ENAH: variants seen among roughly 807,000 people sequenced by gnomAD.
The protein encoded by ENAH is protein enabled homolog.
ENAH carries 23 observed loss-of-function variants against 78.7 expected under a neutral mutation model. The observed-to-expected ratio is 0.29, with a 90% CI of 0.21 to 0.41. The LOEUF is 0.41. ENAH is among the 10% of genes least tolerant of loss of function. The pLI, the probability that ENAH is intolerant of heterozygous loss-of-function variation, is 1.00. For missense variants in ENAH, 544 were observed against 691.0 expected (o/e 0.79, Z 2.39); for synonymous variants, 226 against 241.0 (o/e 0.94, Z 0.58).
chr1:225,555,225 A>G (rs1408710998), intron 2 of ENAH, 142 bp from the exon 3 acceptor site: 1 of 596,448 alleles, frequency 1.7e-6, no homozygotes, highest in Non-Finnish European at 2.8e-6. Context: ...TCTGGGTAAA[A>G]TCTACACAAA....
intron 4 of ENAH, 42 bp from the exon 5 acceptor site, chr1:225,519,607 T>C (rs1279694950): frequency 1.3e-6 from 2 of 1,567,428 alleles, no homozygotes; most frequent in Non-Finnish European, 1.7e-6. Flanking sequence ...CATCTATGGC[T>C]ACTCATCATG....
intron 1 of ENAH, among the ~76,000 whole-genome samples, chr1:225,582,263 C>T (rs2096822779): frequency 6.6e-6 from 1 of 152,148 alleles, no homozygotes. Flanking sequence ...CGGAAGCCAG[C>T]ATCATGATTC....
At chr1:225,631,754 T>C (rs953143683) in intron 1 of ENAH, among the ~76,000 whole-genome samples, 9 of 152,192 alleles carry the variant, frequency 5.9e-5, no homozygotes, top group Non-Finnish European at 1.3e-4. Context: ...TGCTCATTTT[T>C]GGACTACATT....
At chr1:225,652,214 C>T (rs1663153269) in intron 1 of ENAH, 3 of 525,642 alleles carry the variant, frequency 5.7e-6, no homozygotes, top group East Asian at 1.5e-4. Context: ...ACTTTATTAC[C>T]CGCAGAGATT....
intron 3 of ENAH, among the ~76,000 whole-genome samples, chr1:225,542,522 C>T (rs921498511): frequency 2.6e-5 from 4 of 152,300 alleles, no homozygotes; most frequent in East Asian, 1.9e-4. Flanking sequence ...TATCTCTCTG[C>T]GTGACAATTC....
chr1:225,603,654 C>T (rs887148865), intron 1 of ENAH, among the ~76,000 whole-genome samples: 1 of 152,142 alleles, frequency 6.6e-6, no homozygotes, highest in Non-Finnish European at 1.5e-5. Flanking sequence ...GCTCTGGCTA[C>T]CCAAGTGCTA....
intron 3 of ENAH, among the ~76,000 whole-genome samples, chr1:225,542,292 C>T (rs973911508): frequency 6.6e-6 from 1 of 152,224 alleles, no homozygotes; most frequent in African/African-American, 2.4e-5. Flanking sequence ...GACCTGAATA[C>T]CCTTTTCCAA....
At position 225,561,105 on chromosome 1, in the gene ENAH, G is replaced by A. The variant is rs747021280; in HGVS notation, c.172-6022C>T. 3.3e-5 allele frequency among the ~76,000 whole-genome samples: 5 copies of A among 151,496 alleles called. No individual in the cohort carries two copies. The East Asian group carries it at 7.8e-4, about 24-fold the overall frequency. ...AAAAATTAGCTGGGCTTGGTGGTGC[G>A]TGCCTGTAATCCCTGCTACTCGGGA... On this transcript the variant is annotated intron_variant, in intron 2 of 13. Transcript: ENST00000366843.
intron 3 of ENAH, chr1:225,531,056 C>T (rs1012365136): frequency 5.0e-6 from 2 of 399,056 alleles, no homozygotes; most frequent in South Asian, 1.3e-4. Context: ...CTAAATAGAA[C>T]ACTGGAAATG....
rs1246971909 is a variant in ENAH, at chr1:225,496,173, T to C, written c.*1602A>G. 1 of 152,622 alleles carries C rather than the reference T, an allele frequency of 6.6e-6. No homozygotes were observed. The highest frequency in any genetic ancestry group is 1.5e-5 in the Non-Finnish European group (1 of 68,044). The allele number at this position is 152,622 out of a possible 1,614,324, so 9.5% of individuals were successfully genotyped here. On this transcript the variant is annotated 3_prime_UTR_variant, in exon 14 of 14. Coordinates refer to ENST00000366843, the MANE Select transcript of ENAH (RefSeq NM_018212.6). ...GAGAGCCTGGAGAGTTTCTTAAATT[T>C]TCCAAAAAGCTATCATTCCAACATG...
chr1:225,632,521 C>T (rs1659285938), intron 1 of ENAH, among the ~76,000 whole-genome samples: 1 of 150,122 alleles, frequency 6.7e-6, no homozygotes. Flanking sequence ...AAAAGTGGTT[C>T]TCAACATTTC....
At position 225,503,893 on chromosome 1, in the gene ENAH, A is replaced by AT. The variant is rs147879037; in HGVS notation, c.1539-2824dup. On this transcript the variant is annotated intron_variant, in intron 11 of 13. Transcript: ENST00000366843. ...CATATTCCCAGTGAACTTGATGTAT[A>AT]TTTTTTTAAAAAATAGATGTGTAAA... is the stretch of plus-strand genomic sequence containing the variant. Among the ~76,000 whole-genome samples, 4 of 152,158 alleles carry AT rather than the reference A, an allele frequency of 2.6e-5. No homozygotes were observed. In the South Asian group the frequency reaches 8.3e-4, roughly 32 times the overall value.
At chr1:225,598,385 A>G (rs902765112) in intron 1 of ENAH, among the ~76,000 whole-genome samples, 2 of 151,840 alleles carry the variant, frequency 1.3e-5, no homozygotes, top group Admixed American at 1.3e-4. Flanking sequence ...GAGAGAGTGA[A>G]AAAAAAAGGA....
At chr1:225,512,089 C>T (rs563004589) in intron 9 of ENAH, among the ~76,000 whole-genome samples, 127 of 152,278 alleles carry the variant, frequency 8.3e-4, no homozygotes, top group African/African-American at 2.9e-3. Context: ...TGAGAACTTT[C>T]ACTAGCCAAT....
At chr1:225,553,940 T>C (rs1398533519) in intron 3 of ENAH, among the ~76,000 whole-genome samples, 1 of 152,216 alleles carries the variant, frequency 6.6e-6, no homozygotes, top group Non-Finnish European at 1.5e-5. Context: ...GCTCTGAAAT[T>C]AGTATTTGAC....
At chr1:225,610,970 G>A (rs537000268) in intron 1 of ENAH, among the ~76,000 whole-genome samples, 16 of 152,208 alleles carry the variant, frequency 1.1e-4, no homozygotes, top group African/African-American at 2.6e-4. Flanking sequence ...ACGTTAGGCC[G>A]AAAAAGGCAG....
intron 1 of ENAH, among the ~76,000 whole-genome samples, chr1:225,626,003 A>T (rs935693726): frequency 4.6e-5 from 7 of 152,214 alleles, no homozygotes; most frequent in Admixed American, 1.3e-4. Flanking sequence ...GGACTTTACC[A>T]GTCTTTTTCA....
At chr1:225,607,221 C>A (rs1280091197) in intron 1 of ENAH, among the ~76,000 whole-genome samples, 1 of 152,116 alleles carries the variant, frequency 6.6e-6, no homozygotes, top group Non-Finnish European at 1.5e-5. Flanking sequence ...ACAACGACAG[C>A]TGATGAGCTT....
intron 11 of ENAH, among the ~76,000 whole-genome samples, chr1:225,501,502 A>AT (rs2151044392): frequency 6.6e-6 from 1 of 152,374 alleles, no homozygotes; most frequent in South Asian, 2.1e-4. Context: ...AAGGAGAAAC[A>AT]TAAAGACTTG....
Sources: allele counts gnomAD v4.1 joint callset (sites outside exome capture counted in the v4.1 genomes callset), GRCh38; gene constraint gnomAD v4.1.1; transcripts MANE v1.5; gene names NCBI Gene and HGNC (gene_info 2026-07-23, HGNC 2026-07-21).